CACNA2D3: variants seen among roughly 807,000 people sequenced by gnomAD.
The protein encoded by CACNA2D3 is calcium voltage-gated channel auxiliary subunit alpha2delta 3, also known as voltage-dependent calcium channel subunit alpha-2/delta-3.
In CACNA2D3, 60 loss-of-function variants were observed where a neutral mutation model predicts 160.6. The observed-to-expected ratio is 0.37, with a 90% confidence interval of 0.30 to 0.46. CACNA2D3 has a LOEUF of 0.46. CACNA2D3 is among the 20% of genes least tolerant of loss of function. The probability of loss-of-function intolerance (pLI) is 1.00; values close to 1 mark genes in which losing one functional copy is unlikely to be tolerated. For synonymous variants in CACNA2D3, 558 were observed against 492.9 expected (o/e 1.13, Z -1.75); for missense variants, 1,205 against 1,365.0 (o/e 0.88, Z 1.85).
At chr3:54,633,181 A>G (rs1375302814) in intron 10 of CACNA2D3, among the ~76,000 whole-genome samples, 4 of 152,070 alleles carry the variant, frequency 2.6e-5, no homozygotes, top group African/African-American at 9.7e-5. Flanking sequence ...GGAGATTAAT[A>G]CTTTTGGAGC....
At chr3:54,267,104 A>G (rs1462406553) in intron 2 of CACNA2D3, among the ~76,000 whole-genome samples, 1 of 152,208 alleles carries the variant, frequency 6.6e-6, no homozygotes, top group Non-Finnish European at 1.5e-5. Context: ...GTTTTATTAA[A>G]AAGCAAATAT....
intron 9 of CACNA2D3, among the ~76,000 whole-genome samples, chr3:54,590,001 C>T (rs1702829820): frequency 6.6e-6 from 1 of 152,200 alleles, no homozygotes; most frequent in Non-Finnish European, 1.5e-5. Context: ...TTGACAGTTT[C>T]TTCTAAAACT....
At chr3:54,484,699 C>T (rs921338142) in intron 4 of CACNA2D3, among the ~76,000 whole-genome samples, 2 of 152,120 alleles carry the variant, frequency 1.3e-5, no homozygotes, top group East Asian at 1.9e-4. Flanking sequence ...ACTCTTGTAA[C>T]TGGAAATGGT....
chr3:55,050,183 A>T (rs1348441262), intron 35 of CACNA2D3, among the ~76,000 whole-genome samples: 1 of 147,980 alleles, frequency 6.8e-6, no homozygotes, highest in African/African-American at 2.5e-5. Context: ...TAGTTGATGC[A>T]GTTTCTTCCT....
chr3:54,374,433 C>A (rs1698974180), intron 3 of CACNA2D3, among the ~76,000 whole-genome samples: 1 of 152,222 alleles, frequency 6.6e-6, no homozygotes, highest in African/African-American at 2.4e-5. Context: ...AGGCCTCCAG[C>A]CCTACCGTAG....
intron 35 of CACNA2D3, among the ~76,000 whole-genome samples, chr3:55,020,362 T>C (rs540782020): frequency 6.7e-6 from 1 of 149,176 alleles, no homozygotes; most frequent in African/African-American, 2.4e-5. Flanking sequence ...ATATCTATAA[T>C]GTATATTTTG....
chr3:54,880,747 T>C (rs2106841452), intron 20 of CACNA2D3, 49 bp from the exon 21 acceptor site: 11 of 1,457,860 alleles, frequency 7.5e-6, no homozygotes, highest in Non-Finnish European at 1.1e-5. Context: ...CACAAGTCTA[T>C]TCGAGTCGAT....
chr3:54,788,617 C>T (rs1336732145), intron 13 of CACNA2D3, among the ~76,000 whole-genome samples: 1 of 152,166 alleles, frequency 6.6e-6, no homozygotes, highest in East Asian at 1.9e-4. Context: ...TTCTGAGGCT[C>T]CTTGACAACT....
At chr3:54,479,634 A>C (rs1700900369) in intron 4 of CACNA2D3, among the ~76,000 whole-genome samples, 1 of 152,204 alleles carries the variant, frequency 6.6e-6, no homozygotes, top group African/African-American at 2.4e-5. Flanking sequence ...CTTCTTGGAG[A>C]CATCAGAAAC....
intron 27 of CACNA2D3, among the ~76,000 whole-genome samples, chr3:54,943,694 T>C (rs910581724): frequency 1.3e-5 from 2 of 152,206 alleles, no homozygotes; most frequent in African/African-American, 2.4e-5. Flanking sequence ...TTACTACTAT[T>C]TTCTAAATGT....
Position 54,187,070 on chromosome 3 carries a change from C to G in CACNA2D3, c.204+63476C>G, listed in dbSNP as rs1345109134. Among the ~76,000 whole-genome samples, 3 of 152,038 alleles carry G rather than the reference C, an allele frequency of 2.0e-5. No homozygotes were observed. The East Asian group carries it at 5.8e-4, about 29-fold the overall frequency. On this transcript the variant is annotated intron_variant, in intron 2 of 37. Transcript: ENST00000474759. Reference sequence around the variant, plus strand: ...AATCTCTCGGCATTTTGGGCTCCTGCTGCTGCTGTCCCTGGGAGTGCTGTA... The same window carrying G: ...AATCTCTCGGCATTTTGGGCTCCTGGTGCTGCTGTCCCTGGGAGTGCTGTA...
At chr3:55,073,907 C>A in intron 37 of CACNA2D3, 48 bp downstream of exon 37, 2 of 1,464,090 alleles carry the variant, frequency 1.4e-6, no homozygotes, top group Non-Finnish European at 1.9e-6. Context: ...AGAATCACCA[C>A]GAGAGTCTCA....
chr3:55,046,108 T>C (rs1024884318), intron 35 of CACNA2D3, among the ~76,000 whole-genome samples: 1 of 151,770 alleles, frequency 6.6e-6, no homozygotes, highest in South Asian at 2.1e-4. Context: ...TAACGTCTTT[T>C]TTTTTATTAT....
At chr3:54,485,524 A>G (rs1382279979) in intron 4 of CACNA2D3, among the ~76,000 whole-genome samples, 1 of 151,962 alleles carries the variant, frequency 6.6e-6, no homozygotes, top group Non-Finnish European at 1.5e-5. Context: ...ATGTTAGCTC[A>G]GAAAGTCCTT....
intron 14 of CACNA2D3, among the ~76,000 whole-genome samples, chr3:54,822,251 G>C (rs1458277958): frequency 2.0e-5 from 3 of 152,196 alleles, no homozygotes; most frequent in African/African-American, 7.2e-5. Flanking sequence ...GTGGACTACA[G>C]TTTAAATTAT....
intron 2 of CACNA2D3, among the ~76,000 whole-genome samples, chr3:54,275,479 A>G (rs536660138): frequency 5.9e-5 from 9 of 152,344 alleles, no homozygotes; most frequent in African/African-American, 2.2e-4. Context: ...AAAAACCCAG[A>G]TTTGTGATAT....
intron 2 of CACNA2D3, among the ~76,000 whole-genome samples, chr3:54,216,468 C>T (rs1701465481): frequency 1.3e-5 from 2 of 152,142 alleles, no homozygotes; most frequent in African/African-American, 4.8e-5. Flanking sequence ...GGTTGTTATC[C>T]AGTTGCCATC....
intron 2 of CACNA2D3, among the ~76,000 whole-genome samples, chr3:54,136,381 TATC>T (rs1699815771): frequency 6.6e-6 from 1 of 152,246 alleles, no homozygotes; most frequent in Admixed American, 6.5e-5. Context: ...TTGGGTAGAA[TATC>T]ATGGTTTAGG....
chr3:54,849,339 T>C (rs1052400266), intron 17 of CACNA2D3, among the ~76,000 whole-genome samples: 3 of 150,610 alleles, frequency 2.0e-5, no homozygotes, highest in Non-Finnish European at 4.4e-5. Context: ...GTGCACAAGT[T>C]GTTTGTTCAT....
Sources: gnomAD v4.1 joint callset for allele counts (sites outside exome capture counted in the v4.1 genomes callset) on GRCh38, gnomAD v4.1.1 for gene constraint, MANE v1.5 for transcripts, NCBI Gene and HGNC (gene_info 2026-07-23, HGNC 2026-07-21) for gene names.